KCNIP4: variants seen among roughly 807,000 people sequenced by gnomAD.
KCNIP4 encodes Kv channel-interacting protein 4.
A neutral mutation model predicts 34.0 loss-of-function variants in KCNIP4; 12 were observed. The ratio of observed to expected loss-of-function variants is 0.35; its 90% CI spans 0.23 to 0.57. KCNIP4 has a LOEUF of 0.57. Among genes scored for constraint, KCNIP4 ranks in the 20% least tolerant of loss-of-function variants. KCNIP4 has a pLI of 0.83. For synonymous variants in KCNIP4, 124 were observed against 102.2 expected (o/e 1.21, Z -1.29); for missense variants, 238 against 311.7 (o/e 0.76, Z 1.78).
chr4:21,319,675 T>C (rs1714168584), intron 1 of KCNIP4, among the ~76,000 whole-genome samples: 1 of 152,178 alleles, frequency 6.6e-6, no homozygotes, highest in African/African-American at 2.4e-5. Flanking sequence ...GACCATCCAG[T>C]ATATTCTCCT....
At chr4:21,581,626 T>A (rs1484236119) in intron 1 of KCNIP4, among the ~76,000 whole-genome samples, 2 of 151,996 alleles carry the variant, frequency 1.3e-5, no homozygotes, top group African/African-American at 4.8e-5. Context: ...AGGGCTTAAA[T>A]CATAGAATAT....
At chr4:20,954,726 G>A (rs1252434927) in intron 1 of KCNIP4, among the ~76,000 whole-genome samples, 8 of 152,096 alleles carry the variant, frequency 5.3e-5, no homozygotes, top group South Asian at 2.1e-4. Context: ...GGGCCCAGGC[G>A]CATCCTCAAA....
chr4:21,055,300 C>T (rs983847363), intron 1 of KCNIP4, among the ~76,000 whole-genome samples: 31 of 152,172 alleles, frequency 2.0e-4, no homozygotes, highest in African/African-American at 6.8e-4. Context: ...ACAACAGAAA[C>T]TCCTATGCAT....
intron 5 of KCNIP4, among the ~76,000 whole-genome samples, chr4:20,744,273 G>A (rs1005444497): frequency 3.3e-5 from 5 of 152,146 alleles, no homozygotes; most frequent in Admixed American, 2.6e-4. Flanking sequence ...ACACCCAAAG[G>A]ATTATAAATC....
intron 1 of KCNIP4, among the ~76,000 whole-genome samples, chr4:21,024,170 T>C (rs748254309): frequency 6.6e-6 from 1 of 152,204 alleles, no homozygotes; most frequent in Non-Finnish European, 1.5e-5. Context: ...ATTTTAGTGA[T>C]AAAATTAGAC....
At chr4:21,903,228 T>C (rs916222361) in intron 1 of KCNIP4, among the ~76,000 whole-genome samples, 2 of 152,178 alleles carry the variant, frequency 1.3e-5, no homozygotes, top group Non-Finnish European at 2.9e-5. Flanking sequence ...TCTGAAGCCA[T>C]CTTCCTCTCA....
intron 1 of KCNIP4, among the ~76,000 whole-genome samples, chr4:21,909,195 G>A (rs1352921261): frequency 6.6e-6 from 1 of 152,070 alleles, no homozygotes; most frequent in Non-Finnish European, 1.5e-5. Flanking sequence ...TTAAATTTAG[G>A]ATAAGCTTCA....
chr4:21,468,469 A>G (rs965531002), intron 1 of KCNIP4, among the ~76,000 whole-genome samples: 1 of 152,174 alleles, frequency 6.6e-6, no homozygotes, highest in Non-Finnish European at 1.5e-5. Context: ...TTGTGCTTTC[A>G]TCGCTTGCAT....
intron 1 of KCNIP4, among the ~76,000 whole-genome samples, chr4:21,472,295 C>T (rs900621931): frequency 3.3e-5 from 5 of 151,920 alleles, no homozygotes; most frequent in African/African-American, 1.2e-4. Context: ...CAGAGGACCC[C>T]GAGATCGTAG....
At chr4:21,069,229 T>A (rs1463273870) in intron 1 of KCNIP4, among the ~76,000 whole-genome samples, 2 of 150,600 alleles carry the variant, frequency 1.3e-5, no homozygotes, top group Non-Finnish European at 3.0e-5. Context: ...TTCTCTAAGT[T>A]TTTTTTTTTA....
chr4:21,385,744 A>G (rs1721968665), intron 1 of KCNIP4, among the ~76,000 whole-genome samples: 1 of 152,150 alleles, frequency 6.6e-6, no homozygotes, highest in Non-Finnish European at 1.5e-5. Context: ...AGACCGAGAG[A>G]TTAGATGGGG....
At chr4:21,609,018 A>T (rs1281183699) in intron 1 of KCNIP4, 1 of 152,308 alleles carries the variant, frequency 6.6e-6, no homozygotes, top group East Asian at 1.9e-4. Flanking sequence ...TTTCATCCAT[A>T]TTAAGAGATA....
intron 1 of KCNIP4, among the ~76,000 whole-genome samples, chr4:21,077,704 T>C (rs1745616179): frequency 6.6e-6 from 1 of 152,168 alleles, no homozygotes; most frequent in Non-Finnish European, 1.5e-5. Flanking sequence ...ATATAATAAA[T>C]GTGCTTATTA....
intron 3 of KCNIP4, among the ~76,000 whole-genome samples, chr4:20,811,532 C>A (rs905525462): frequency 7.9e-5 from 12 of 151,908 alleles, no homozygotes; most frequent in Admixed American, 6.6e-4. Context: ...CGCACGCGTG[C>A]ACGCCAGAGG....
At chr4:21,026,997 C>G (rs1215146179) in intron 1 of KCNIP4, among the ~76,000 whole-genome samples, 1 of 152,130 alleles carries the variant, frequency 6.6e-6, no homozygotes, top group Non-Finnish European at 1.5e-5. Flanking sequence ...GGTTTTCAGT[C>G]AGACGAGAAC....
intron 1 of KCNIP4, among the ~76,000 whole-genome samples, chr4:21,789,680 G>A (rs946799483): frequency 1.3e-5 from 2 of 152,240 alleles, no homozygotes; most frequent in Admixed American, 6.5e-5. Context: ...TTCTTATATC[G>A]TTTCCTAAAA....
intron 1 of KCNIP4, among the ~76,000 whole-genome samples, chr4:21,493,525 A>AT (rs1287302465): frequency 2.2e-4 from 33 of 152,190 alleles, no homozygotes; most frequent in Admixed American, 1.2e-3. Context: ...TCCTACAAAC[A>AT]TTTTTAAGGC....
intron 1 of KCNIP4, chr4:21,847,704 C>T (rs1724110262): frequency 1.3e-5 from 2 of 152,046 alleles, no homozygotes; most frequent in Non-Finnish European, 2.9e-5. Flanking sequence ...CTTTTGTGCT[C>T]TTAGAATAGC....
chr4:21,818,335 C>G (rs1722115146), intron 1 of KCNIP4, among the ~76,000 whole-genome samples: 1 of 152,206 alleles, frequency 6.6e-6, no homozygotes, highest in Non-Finnish European at 1.5e-5. Context: ...ACCCCAAACT[C>G]AGCTTCATAT....
Sources: gnomAD v4.1 joint callset for allele counts (sites outside exome capture counted in the v4.1 genomes callset) on GRCh38, gnomAD v4.1.1 for gene constraint, MANE v1.5 for transcripts, NCBI Gene and HGNC (gene_info 2026-07-23, HGNC 2026-07-21) for gene names.